SPTLC3: variants seen among roughly 807,000 people sequenced by gnomAD.
SPTLC3 encodes serine palmitoyltransferase 3.
In SPTLC3, 36 loss-of-function variants were observed where a neutral mutation model predicts 59.3. The ratio of observed to expected loss-of-function variants is 0.61; its 90% CI spans 0.47 to 0.80. The LOEUF (loss-of-function observed/expected upper bound fraction) is 0.80. Among genes scored for constraint, SPTLC3 ranks in the 30% least tolerant of loss-of-function variants. The probability of loss-of-function intolerance (pLI) is 0.00; values close to 1 mark genes in which losing one functional copy is unlikely to be tolerated. For missense variants in SPTLC3, 625 were observed against 685.1 expected, an observed-to-expected ratio of 0.91 and a Z score of 0.98; for synonymous variants, 257 against 240.8, an observed-to-expected ratio of 1.07 and a Z score of -0.62.
chr20:13,107,672 T>C (rs1693989764), intron 6 of SPTLC3, among the ~76,000 whole-genome samples: 1 of 152,102 alleles, frequency 6.6e-6, no homozygotes, highest in South Asian at 2.1e-4. Context: ...CTTTCACGGG[T>C]CCTTACGATC....
intron 1 of SPTLC3, among the ~76,000 whole-genome samples, chr20:13,011,362 G>A (rs1292823198): frequency 1.3e-5 from 2 of 152,124 alleles, no homozygotes; most frequent in Non-Finnish European, 2.9e-5. Context: ...TCCCAAACAC[G>A]TTCTGCCTGG....
intron 9 of SPTLC3, among the ~76,000 whole-genome samples, chr20:13,151,935 C>T (rs538246637): frequency 1.3e-4 from 20 of 152,204 alleles, no homozygotes; most frequent in South Asian, 6.2e-4. Context: ...CCGCTCACAA[C>T]ATGAGGCTGT....
intron 2 of SPTLC3, among the ~76,000 whole-genome samples, chr20:13,059,956 T>A: frequency 6.6e-6 from 1 of 152,250 alleles, no homozygotes; most frequent in Middle Eastern, 3.4e-3. Flanking sequence ...TGCCTGCCTA[T>A]CACTCTGTTA....
chr20:13,045,771 T>A (rs1987205328), intron 1 of SPTLC3, among the ~76,000 whole-genome samples: 1 of 152,156 alleles, frequency 6.6e-6, no homozygotes, highest in African/African-American at 2.4e-5. Context: ...TAGTTACATA[T>A]AGGCCCAGTC....
In SPTLC3 at chr20:13,009,368, T is replaced by A. The variant is rs140139505; in HGVS notation, c.101T>A (p.Ile34Lys). ...SQSRNCTKNG[I>K]VKEAQQNGKP... ...AGCAGAAACTGCACAAAGAATGGAATAGTGAAGGAAGCCCAGGTAAGAGGC... is the reference window on the plus strand; with the variant it reads ...AGCAGAAACTGCACAAAGAATGGAAAAGTGAAGGAAGCCCAGGTAAGAGGC... Residue 34 changes from isoleucine to lysine, a missense_variant, in exon 1 of 12, where the codon ATA (isoleucine) becomes AAA (lysine). Coordinates refer to ENST00000399002, the MANE Select transcript of SPTLC3 (RefSeq NM_018327.4). The A allele has an allele frequency of 3.7e-6, 6 of 1,613,860 alleles. No homozygotes were observed. In the African/African-American group the frequency reaches 8.0e-5, roughly 22 times the overall value.
chr20:13,091,034 G>A (rs1179049054), intron 4 of SPTLC3, 49 bp from the exon 5 acceptor site: 40 of 1,604,632 alleles, frequency 2.5e-5, no homozygotes, highest in Non-Finnish European at 3.3e-5. Flanking sequence ...TTTCAATCTT[G>A]GCCTTGTTGA....
At chr20:13,026,835 T>C (rs1986171383) in intron 1 of SPTLC3, among the ~76,000 whole-genome samples, 1 of 152,124 alleles carries the variant, frequency 6.6e-6, no homozygotes, top group South Asian at 2.1e-4. Flanking sequence ...CTGTTACATG[T>C]CAGACACTGT....
At chr20:13,095,493 G>A (rs1989379137) in intron 6 of SPTLC3, among the ~76,000 whole-genome samples, 1 of 152,110 alleles carries the variant, frequency 6.6e-6, no homozygotes, top group Non-Finnish European at 1.5e-5. Context: ...TAGATAGATA[G>A]GTAGGTAAGC....
Position 13,164,948 on chromosome 20 carries a change from C to A in SPTLC3, c.*81C>A. The A allele has an allele frequency of 8.3e-7, 1 of 1,201,392 alleles. No homozygotes were observed. The highest frequency in any genetic ancestry group is 1.2e-6 in the Non-Finnish European group (1 of 860,130). The allele number at this position is 1,201,392 out of a possible 1,614,324, so 74.4% of individuals were successfully genotyped here. On this transcript the variant is annotated 3_prime_UTR_variant, in exon 12 of 12. Coordinates refer to ENST00000399002, the MANE Select transcript of SPTLC3 (RefSeq NM_018327.4). ...CCTCACAAGGAATATAAATGGATTT[C>A]TCCCCCTTCCTCAGGACAATTTTGG...
intron 4 of SPTLC3, among the ~76,000 whole-genome samples, chr20:13,080,337 G>A (rs1238325656): frequency 3.3e-5 from 5 of 151,776 alleles, no homozygotes; most frequent in South Asian, 2.1e-4. Flanking sequence ...GTGAAACCCC[G>A]TCTCTACTAA....
At chr20:13,148,837 A>G (rs1218618708) in intron 9 of SPTLC3, among the ~76,000 whole-genome samples, 1 of 152,198 alleles carries the variant, frequency 6.6e-6, no homozygotes, top group Non-Finnish European at 1.5e-5. Context: ...GTGAGGTGGC[A>G]CTGAGGCTGC....
chr20:13,071,601 T>C lies in SPTLC3; in HGVS notation c.304-655T>C, dbSNP rs1017715211. Among the ~76,000 whole-genome samples, 7 of 152,118 alleles carry C rather than the reference T, an allele frequency of 4.6e-5. No homozygotes were observed. In the East Asian group the frequency reaches 1.2e-3, roughly 25 times the overall value. Reference sequence around the variant, plus strand: ...AATGAGCGCCGGCAATGAGCTATACTTTTTTTTCTAAACGGGAAGAGGGAA... The same window carrying C: ...AATGAGCGCCGGCAATGAGCTATACCTTTTTTTCTAAACGGGAAGAGGGAA... On this transcript the variant is annotated intron_variant, in intron 2 of 11. Transcript: ENST00000399002.
chr20:13,022,997 C>T (rs1985965474), intron 1 of SPTLC3, among the ~76,000 whole-genome samples: 1 of 152,154 alleles, frequency 6.6e-6, no homozygotes, highest in Admixed American at 6.5e-5. Flanking sequence ...TGCTGCACAG[C>T]CTCTTCACTG....
At chr20:13,074,021 A>T in intron 3 of SPTLC3, 1 of 631,416 alleles carries the variant, frequency 1.6e-6, no homozygotes, top group Non-Finnish European at 3.1e-6. Context: ...GTCTCCATCC[A>T]GTCAAGCTCT....
At position 13,084,490 on chromosome 20, in the gene SPTLC3, G is replaced by T. The variant is rs73610449; in HGVS notation, c.608-6593G>T. ...CTCTAAACTTACTAACTGTGTGACC[G>T]TGGAACCTCCAAGGGGTCTTGAGGG... is the stretch of plus-strand genomic sequence containing the variant. On this transcript the variant is annotated intron_variant, in intron 4 of 11. Transcript: ENST00000399002. Among the ~76,000 whole-genome samples the T allele has an allele frequency of 3.6e-3, 541 of 152,280 alleles. 11 individuals carry two copies. The East Asian group carries it at 0.072, about 20-fold the overall frequency.
chr20:13,087,089 C>T (rs1989029084), intron 4 of SPTLC3, among the ~76,000 whole-genome samples: 1 of 152,202 alleles, frequency 6.6e-6, no homozygotes, highest in Non-Finnish European at 1.5e-5. Flanking sequence ...AGCCACTGTG[C>T]CTAGCCTCCT....
chr20:13,040,777 T>A (rs1350962286), intron 1 of SPTLC3, among the ~76,000 whole-genome samples: 1 of 152,102 alleles, frequency 6.6e-6, no homozygotes, highest in African/African-American at 2.4e-5. Flanking sequence ...GTGGGTCTGC[T>A]ATTAACAGAT....
chr20:13,055,741 G>C (rs1476711586), intron 2 of SPTLC3, among the ~76,000 whole-genome samples: 7 of 152,150 alleles, frequency 4.6e-5, no homozygotes, highest in Non-Finnish European at 1.0e-4. Flanking sequence ...CCTGAATGCA[G>C]GAAGGTTATT....
intron 6 of SPTLC3, among the ~76,000 whole-genome samples, chr20:13,101,427 T>A (rs562467152): frequency 6.6e-6 from 1 of 152,314 alleles, no homozygotes; most frequent in East Asian, 1.9e-4. Flanking sequence ...TGGAGCCCTA[T>A]CCTGTTAGTA....
Sources: allele counts gnomAD v4.1 joint callset (sites outside exome capture counted in the v4.1 genomes callset), GRCh38; gene constraint gnomAD v4.1.1; transcripts MANE v1.5; gene names NCBI Gene and HGNC (gene_info 2026-07-23, HGNC 2026-07-21).